The following CNOT1 variants were observed in gnomAD, a reference collection of about 807,000 sequenced individuals.
The protein encoded by CNOT1 is CCR4-associated factor 1.
Under a neutral mutation model 273.8 loss-of-function variants are expected in CNOT1, and 15 were observed. That is an observed-to-expected ratio of 0.05 (90% CI 0.04 to 0.08). CNOT1 has a LOEUF of 0.08. CNOT1 is among the 10% of genes least tolerant of loss of function. The pLI, the probability that CNOT1 is intolerant of heterozygous loss-of-function variation, is 1.00. For synonymous variants in CNOT1, 1,022 were observed against 1,005.5 expected, an observed-to-expected ratio of 1.02 and a Z score of -0.31; for missense variants, 1,644 against 2,912.2, an observed-to-expected ratio of 0.56 and a Z score of 10.02.
chr16:58,623,180 A>ACTCTTT (rs1483747047), intron 1 of CNOT1: 2 of 122,820 alleles, frequency 1.6e-5, no homozygotes, highest in African/African-American at 6.6e-5. Flanking sequence ...ATACAGCGAG[A>ACTCTTT]CTCTGCCTCC....
intron 1 of CNOT1, among the ~76,000 whole-genome samples, chr16:58,622,680 C>G (rs1240306014): frequency 6.6e-6 from 1 of 151,124 alleles, no homozygotes; most frequent in Non-Finnish European, 1.5e-5. Context: ...AACCCTGTCT[C>G]TACTAAAAAT....
intron 2 of CNOT1, 35 bp downstream of exon 2, chr16:58,599,201 T>C (rs2042379830): frequency 6.2e-7 from 1 of 1,614,088 alleles, no homozygotes; most frequent in Non-Finnish European, 8.5e-7. Context: ...TACTCATTCC[T>C]TTAATGGCAC....
rs1344355447 is a variant in CNOT1 at position 58,614,097 on chromosome 16, AAAAAAAAAAG to A, written c.-174-14596_-174-14587del. 7.5e-5 allele frequency among the ~76,000 whole-genome samples: 9 copies of A among 120,546 alleles called. 1 individual carries two copies. The highest frequency in any genetic ancestry group is 2.5e-4 in the African/African-American group (9 of 35,742). The allele number at this position is 120,546 out of a possible 152,430, so 79.1% of individuals were successfully genotyped here. On this transcript the variant is annotated intron_variant, in intron 1 of 48. Coordinates refer to ENST00000317147, the MANE Select transcript of CNOT1 (RefSeq NM_016284.5). ...ACAGGGCGAGACACTGTCTCAAAAA[AAAAAAAAAAG>A]AAAAGAAAATTACTCTCAAAACCAA...
intron 31 of CNOT1, chr16:58,543,368 T>C (rs2040155330): frequency 6.5e-7 from 1 of 1,546,056 alleles, no homozygotes; most frequent in African/African-American, 1.4e-5. Context: ...AACAAATATT[T>C]GGGTATCTAC....
chr16:58,539,660 T>C, intron 35 of CNOT1, 108 bp downstream of exon 35: 2 of 1,164,374 alleles, frequency 1.7e-6, no homozygotes, highest in Middle Eastern at 2.5e-4. Flanking sequence ...GAACTTGATT[T>C]ATATTATGAA....
In CNOT1 at chr16:58,546,682, T is replaced by C. The variant is rs761338491; in HGVS notation, c.3818A>G (p.His1273Arg). The change falls in exon 28 of 49, where the codon CAT becomes CGT. Residue 1273 changes from histidine (H) to arginine (R), a missense_variant. Transcript: ENST00000317147. ...MNVLAELHQE[H>R]DLKLNLKFEI... is the part of the protein sequence containing the mutation. Reference sequence around the variant, plus strand: ...GAAGCAGTAAATTACCTTTAAGTCATGCTCCTGATGTAGCTCAGCTAATAC... The same window carrying C: ...GAAGCAGTAAATTACCTTTAAGTCACGCTCCTGATGTAGCTCAGCTAATAC... 1 of 1,613,880 alleles carries C rather than the reference T, an allele frequency of 6.2e-7. No homozygotes were observed. Among genetic ancestry groups the C allele is most frequent in the Non-Finnish European group, 8.5e-7 (1 of 1,179,938 alleles).
At chr16:58,587,439 A>C (rs1421915573) in intron 4 of CNOT1, 26 bp from the exon 5 acceptor site, 2 of 1,610,646 alleles carry the variant, frequency 1.2e-6, no homozygotes, top group Non-Finnish European at 8.5e-7. Flanking sequence ...TTTTAGTTTA[A>C]AATAAGAACT....
In CNOT1 at chr16:58,607,729, AAAAAAAAAAG is replaced by A. The variant is rs1344238208; in HGVS notation, c.-174-8228_-174-8219del. 3.4e-3 allele frequency among the ~76,000 whole-genome samples: 490 copies of A among 143,882 alleles called. 6 individuals carry two copies. The highest frequency in any genetic ancestry group is 0.012 in the African/African-American group (456 of 37,952). The allele number at this position is 143,882 out of a possible 152,430, so 94.4% of individuals were successfully genotyped here. ...GCAACAACAGCAAAACTCAAAAAAA[AAAAAAAAAAG>A]AAAGAAAGAAAGAAAAGGGCTATCT... On this transcript the variant is annotated intron_variant, in intron 1 of 48. Transcript: ENST00000317147.
chr16:58,521,932 C>T (rs547634216), intron 47 of CNOT1, among the ~76,000 whole-genome samples: 4 of 152,092 alleles, frequency 2.6e-5, no homozygotes, highest in Non-Finnish European at 5.9e-5. Flanking sequence ...GCCTGGGAGA[C>T]AGAGTGAGAC....
chr16:58,532,480 C>T lies in CNOT1; in HGVS notation c.5896-85G>A. The T allele has an allele frequency of 2.6e-6, 4 of 1,535,028 alleles. No homozygotes were observed. In the South Asian group the frequency reaches 5.0e-5, roughly 19 times the overall value. ...TGTCATGCTTTTTAAACTTTGCATT[C>T]TTAAACCCAACATTAAAGGAAAGCA... On this transcript the variant is annotated intron_variant, in intron 40 of 48. Coordinates refer to ENST00000317147, the MANE Select transcript of CNOT1 (RefSeq NM_016284.5).
At chr16:58,626,753 C>G (rs2043601653) in intron 1 of CNOT1, among the ~76,000 whole-genome samples, 1 of 139,318 alleles carries the variant, frequency 7.2e-6, no homozygotes, top group Non-Finnish European at 1.5e-5. Context: ...GGGTGAGACT[C>G]CGTCTCAAAA....
chr16:58,608,882 T>C (rs1305837663), intron 1 of CNOT1, among the ~76,000 whole-genome samples: 2 of 152,144 alleles, frequency 1.3e-5, no homozygotes, highest in Non-Finnish European at 2.9e-5. Context: ...CCAAACATCA[T>C]ATGTTCTCAC....
intron 16 of CNOT1, among the ~76,000 whole-genome samples, chr16:58,565,955 T>C: frequency 6.9e-6 from 1 of 144,218 alleles, no homozygotes; most frequent in East Asian, 2.0e-4. Context: ...AAAAAAAAAG[T>C]ACAAGTCAGT....
intron 1 of CNOT1, among the ~76,000 whole-genome samples, chr16:58,614,799 T>A (rs2043018585): frequency 8.0e-6 from 1 of 125,584 alleles, no homozygotes; most frequent in African/African-American, 2.7e-5. Context: ...AGCCTCTACC[T>A]CCCAGGCTCA....
chr16:58,574,786 G>A, intron 15 of CNOT1, 26 bp from the exon 16 acceptor site: 4 of 1,583,570 alleles, frequency 2.5e-6, no homozygotes, highest in Non-Finnish European at 3.4e-6. Flanking sequence ...GTCTCTCAGT[G>A]TATTTAAAAT....
At chr16:58,536,275 C>T (rs2039927753) in intron 39 of CNOT1, among the ~76,000 whole-genome samples, 1 of 152,060 alleles carries the variant, frequency 6.6e-6, no homozygotes, top group African/African-American at 2.4e-5. Flanking sequence ...GGAAAAGTAC[C>T]ACTCTTGCCA....
At chr16:58,624,210 C>T (rs149312) in intron 1 of CNOT1, among the ~76,000 whole-genome samples, 48,170 of 151,994 alleles carry the variant, frequency 0.32, 9,638 homozygotes, top group Non-Finnish European at 0.45. Flanking sequence ...TCAGGTACAC[C>T]GTGTCAGAAT....
At chr16:58,541,300 A>C (rs2040089136) in intron 34 of CNOT1, among the ~76,000 whole-genome samples, 1 of 152,098 alleles carries the variant, frequency 6.6e-6, no homozygotes, top group African/African-American at 2.4e-5. Context: ...AAGTTAAATC[A>C]CCCACACCCA....
intron 44 of CNOT1, 62 bp downstream of exon 44, chr16:58,528,413 T>C (rs2039672720): frequency 8.4e-7 from 1 of 1,190,484 alleles, no homozygotes; most frequent in Non-Finnish European, 1.2e-6. Context: ...AACAGTCTAC[T>C]TATCAGAGAA....
Sources: allele counts gnomAD v4.1 joint callset (sites outside exome capture counted in the v4.1 genomes callset), GRCh38; gene constraint gnomAD v4.1.1; transcripts MANE v1.5; gene names NCBI Gene and HGNC (gene_info 2026-07-23, HGNC 2026-07-21).